Variants in HSPB7 observed in about 807,000 individuals in gnomAD.
The protein encoded by HSPB7 is heat shock protein beta-7.
In HSPB7, 9 loss-of-function variants were observed where a neutral mutation model predicts 11.0. The observed-to-expected ratio is 0.82, with a 90% CI of 0.49 to 1.43. HSPB7 has a LOEUF of 1.43. Ranked by LOEUF, HSPB7 falls within the 40% of genes most tolerant of loss-of-function variation. The pLI is 0.00. For synonymous variants in HSPB7, 102 were observed against 101.6 expected (o/e 1.00, Z -0.02); for missense variants, 246 against 243.9 (o/e 1.01, Z -0.06).
In HSPB7 at chr1:16,015,302, T is replaced by G; in HGVS notation, c.*278A>C. ...TCCCATTCCCCTGACCCACAGTGGG[T>G]TCTTTAGATCTTCCTTCCCTGACCC... On this transcript the variant is annotated 3_prime_UTR_variant, in exon 3 of 3. Transcript: ENST00000311890. The surrounding 1 kb of genome is among the most constrained non-coding windows in gnomAD (Gnocchi z 4.9). 2.4e-6 allele frequency: 1 copy of G among 410,888 alleles called. No homozygotes were observed. The highest frequency in any genetic ancestry group is 2.8e-5 in the South Asian group (1 of 36,346). 25.5% of individuals were successfully genotyped at this position (410,888 alleles called of 1,614,324 possible).
At chr1:16,019,321 A>G (rs1396299527), upstream of HSPB7, 2 of 1,421,064 alleles carry the variant, frequency 1.4e-6, no homozygotes, top group East Asian at 5.0e-5. Context: ...CACCCAGTCC[A>G]GATGCCCCCA....
At chr1:16,019,075 G>A (rs541345080), upstream of HSPB7, 66 of 1,399,248 alleles carry the variant, frequency 4.7e-5, no homozygotes, top group Admixed American at 5.6e-4. Context: ...AGGCTGGCCC[G>A]GAAGAGCCAG....
At chr1:16,018,937 A>G, upstream of HSPB7, 1 of 1,108,010 alleles carries the variant, frequency 9.0e-7, no homozygotes, top group Non-Finnish European at 1.2e-6. Flanking sequence ...ACGGACGGGG[A>G]AGCGAAGCCT....
intron 1 of HSPB7, 170 bp from the exon 2 acceptor site, chr1:16,017,377 G>A (rs2021820109): frequency 1.2e-5 from 10 of 828,520 alleles, no homozygotes; most frequent in African/African-American, 1.7e-5. Context: ...TTCTGGGGTG[G>A]GGGTGGGGCC....
rs143274675 is a variant in HSPB7, at chr1:16,017,204, C to T, written c.203G>A (p.Arg68His). The change falls in exon 2 of 3, where the codon CGC (arginine) becomes CAC (histidine). Residue 68 changes from arginine (R) to histidine (H), a missense_variant. By Grantham distance (29) the Arg-to-His change is conservative (BLOSUM62 0). Coordinates refer to ENST00000311890, the MANE Select transcript of HSPB7 (RefSeq NM_014424.5). ...CTTGATGTTGCCTGCCCCACCGGGGCGGGCTGTGGGATGGGCTGCTGTGAG... is the reference window on the plus strand; with the variant it reads ...CTTGATGTTGCCTGCCCCACCGGGGTGGGCTGTGGGATGGGCTGCTGTGAG... ...PHSEPLAFPARPGGAGNIKTL... is the reference protein window; with the variant it reads ...PHSEPLAFPAHPGGAGNIKTL... 2.5e-6 allele frequency: 4 copies of T among 1,612,830 alleles called. No individual in the cohort carries two copies. In the South Asian group the frequency reaches 4.4e-5, roughly 18 times the overall value.
chr1:16,019,016 C>G (rs2021960959), upstream of HSPB7: 1 of 1,053,522 alleles, frequency 9.5e-7, no homozygotes, highest in Admixed American at 2.9e-5. Context: ...TGTGTTGGAC[C>G]CAAAGCCCTT....
At chr1:16,018,899 G>T, upstream of HSPB7, 1 of 1,269,294 alleles carries the variant, frequency 7.9e-7, no homozygotes, top group Non-Finnish European at 1.0e-6. Context: ...CCACACAGCT[G>T]GGAGGGTGGA....
Position 16,015,514 on chromosome 1 carries a change from T to G in HSPB7, c.*66A>C. On this transcript the variant is annotated 3_prime_UTR_variant, in exon 3 of 3. Transcript: ENST00000311890. The surrounding 1 kb of genome is among the most constrained non-coding windows in gnomAD (Gnocchi z 4.9). ...CTGAGATGTCCTGGAGCTGTTGTAA[T>G]GGGGTTAGCGAGGCTTTGCTGGCAG... 1.3e-6 allele frequency: 2 copies of G among 1,487,578 alleles called. No homozygotes were observed. The highest frequency in any genetic ancestry group is 1.9e-6 in the Non-Finnish European group (2 of 1,072,098). 92.1% of individuals were successfully genotyped at this position (1,487,578 alleles called of 1,614,324 possible).
In HSPB7 at chr1:16,015,306, T is replaced by G; in HGVS notation, c.*274A>C. The G allele has an allele frequency of 2.4e-6, 1 of 422,892 alleles. No individual in the cohort carries two copies. 26.2% of individuals were successfully genotyped at this position (422,892 alleles called of 1,614,324 possible). ...ATTCCCCTGACCCACAGTGGGTTCT[T>G]TAGATCTTCCTTCCCTGACCCCAGC... On this transcript the variant is annotated 3_prime_UTR_variant, in exon 3 of 3. Coordinates refer to ENST00000311890, the MANE Select transcript of HSPB7 (RefSeq NM_014424.5). The surrounding 1 kb of genome is among the most constrained non-coding windows in gnomAD (Gnocchi z 4.9).
chr1:16,017,218 G>T lies in HSPB7; in HGVS notation c.200-11C>A. On this transcript the variant is annotated splice_polypyrimidine_tract_variant and intron_variant, in intron 1 of 2. Coordinates refer to ENST00000311890, the MANE Select transcript of HSPB7 (RefSeq NM_014424.5). The stretch of plus-strand genomic sequence containing the variant: ...CCCCACCGGGGCGGGCTGTGGGATG[G>T]GCTGCTGTGAGCGAGGCATGGAGCA... The T allele has an allele frequency of 6.2e-7, 1 of 1,611,732 alleles. No homozygotes were observed. Among genetic ancestry groups the T allele is most frequent in the South Asian group, 1.1e-5 (1 of 91,026 alleles).
upstream of HSPB7, chr1:16,018,944 G>A: frequency 9.1e-7 from 1 of 1,095,514 alleles, no homozygotes; most frequent in African/African-American, 1.6e-5. Context: ...GGGAAGCGAA[G>A]CCTCTTGGAA....
Position 16,016,334 on chromosome 1 carries a change from G to A in HSPB7, c.334-575C>T, listed in dbSNP as rs907530542. On this transcript the variant is annotated intron_variant, in intron 2 of 2. Transcript: ENST00000311890. ...GAGGGGAAGAAGCCAGTCCTTGGGG[G>A]CTTAGGAGGAGGCTTGGGTCAGGTC... Among the ~76,000 whole-genome samples, 62 of 152,296 alleles carry A rather than the reference G, an allele frequency of 4.1e-4. 2 individuals are homozygous for A. Among genetic ancestry groups the A allele is most frequent in the South Asian group, 2.1e-4 (1 of 4,830 alleles).
upstream of HSPB7, chr1:16,018,387 CTG>C: frequency 8.4e-7 from 1 of 1,184,838 alleles, no homozygotes; most frequent in Non-Finnish European, 1.1e-6. Context: ...CTCCTGAGGA[CTG>C]TGCCTCCCCT....
upstream of HSPB7, chr1:16,019,178 C>T: frequency 6.4e-7 from 1 of 1,550,530 alleles, no homozygotes; most frequent in Non-Finnish European, 8.7e-7. Context: ...GGCGGCCAGG[C>T]CCTCTGCTCT....
chr1:16,016,983 G>T (rs2021776175), intron 2 of HSPB7, 91 bp downstream of exon 2: 2 of 1,347,034 alleles, frequency 1.5e-6, no homozygotes, highest in Non-Finnish European at 1.0e-6. Context: ...ACTGGCCAGG[G>T]TCTGGGGTCC....
Position 16,015,639 on chromosome 1 carries a change from G to A in HSPB7, c.454C>T (p.Arg152Trp), listed in dbSNP as rs765611158. 9.3e-6 allele frequency: 15 copies of A among 1,613,872 alleles called. No individual in the cohort carries two copies. Among genetic ancestry groups the A allele is most frequent in the Admixed American group, 6.7e-5 (4 of 59,992 alleles). ...REDGSLTIRA[R>W]RHPHTEHVQQ... Reference sequence around the variant, plus strand: ...ACGTGTTCTGTATGCGGGTGACGCCGTGCCCGGATAGTGAGGCTGCCGTCC... The same window carrying A: ...ACGTGTTCTGTATGCGGGTGACGCCATGCCCGGATAGTGAGGCTGCCGTCC... The change falls in exon 3 of 3, where the codon CGG becomes TGG. Residue 152 changes from arginine (R) to tryptophan (W), a missense_variant. By Grantham distance (101) the Arg-to-Trp change is moderately radical (BLOSUM62 -3). Transcript: ENST00000311890. The surrounding 1 kb of genome is among the most constrained non-coding windows in gnomAD (Gnocchi z 4.9).
At chr1:16,019,133 C>G (rs2021965160), upstream of HSPB7, 2 of 1,547,706 alleles carry the variant, frequency 1.3e-6, no homozygotes, top group East Asian at 4.9e-5. Flanking sequence ...CTGGGACTGA[C>G]CTTGCCCTGG....
upstream of HSPB7, chr1:16,018,639 C>T (rs1490791087): frequency 9.7e-7 from 1 of 1,031,898 alleles, no homozygotes; most frequent in Non-Finnish European, 1.2e-6. Flanking sequence ...CCCTCTGACT[C>T]TCAGAACATT....
chr1:16,018,594 A>G, upstream of HSPB7: 1 of 1,044,104 alleles, frequency 9.6e-7, no homozygotes, highest in Non-Finnish European at 1.2e-6. Flanking sequence ...GTCCCCTGCC[A>G]GCCCCCATGG....
Sources: allele counts gnomAD v4.1 joint callset (sites outside exome capture counted in the v4.1 genomes callset), GRCh38; gene constraint gnomAD v4.1.1; non-coding constraint Gnocchi (gnomAD v3.1); transcripts MANE v1.5; gene names NCBI Gene and HGNC (gene_info 2026-07-23, HGNC 2026-07-21).